The following FRMD3 variants were observed in gnomAD, a reference collection of about 807,000 sequenced individuals.
FRMD3 encodes the protein FERM domain-containing protein 3.
Under a neutral mutation model 70.2 loss-of-function variants are expected in FRMD3, and 33 were observed. The ratio of observed to expected loss-of-function variants is 0.47; its 90% CI spans 0.36 to 0.63. The LOEUF (loss-of-function observed/expected upper bound fraction) is 0.63. FRMD3 is among the 20% of genes least tolerant of loss of function. The pLI is 0.00. For missense variants in FRMD3, 632 were observed against 711.4 expected (o/e 0.89, Z 1.27); for synonymous variants, 279 against 255.9 (o/e 1.09, Z -0.86).
At chr9:83,415,221 G>T (rs1826396119) in intron 1 of FRMD3, among the ~76,000 whole-genome samples, 1 of 152,116 alleles carries the variant, frequency 6.6e-6, no homozygotes, top group South Asian at 2.1e-4. Flanking sequence ...TGTTGAACCC[G>T]ACTGAAAGCC....
chr9:83,351,124 T>A (rs1484644945), intron 3 of FRMD3: 1 of 218,912 alleles, frequency 4.6e-6, no homozygotes, highest in Non-Finnish European at 7.7e-6. Context: ...TAAACTGCCA[T>A]CCAATTCTAC....
the FRMD3 span, among the ~76,000 whole-genome samples, chr9:83,567,637 A>T: frequency 5.9e-5 from 9 of 152,120 alleles, no homozygotes; most frequent in African/African-American, 1.9e-4. Context: ...TCTGCCAGAT[A>T]CCCTAAATCA....
the FRMD3 span, among the ~76,000 whole-genome samples, chr9:83,550,320 C>T: frequency 6.6e-6 from 1 of 152,090 alleles, no homozygotes; most frequent in Non-Finnish European, 1.5e-5. Flanking sequence ...TGTTTTTATA[C>T]CTGTACTATG....
chr9:83,268,215 C>T (rs1833366152), intron 13 of FRMD3, among the ~76,000 whole-genome samples: 1 of 152,162 alleles, frequency 6.6e-6, no homozygotes, highest in African/African-American at 2.4e-5. Context: ...TATCTGTCAC[C>T]AAAAGATGAT....
intron 13 of FRMD3, among the ~76,000 whole-genome samples, chr9:83,277,726 C>G (rs1833838404): frequency 1.3e-5 from 2 of 152,186 alleles, no homozygotes; most frequent in African/African-American, 2.4e-5. Context: ...CTGGCAAACC[C>G]TAATCCCAGG....
chr9:83,457,043 G>A (rs1238081289), intron 1 of FRMD3, among the ~76,000 whole-genome samples: 3 of 152,012 alleles, frequency 2.0e-5, no homozygotes, highest in Non-Finnish European at 4.4e-5. Flanking sequence ...ATGAAACACC[G>A]AGTTTGTTAA....
chr9:83,360,947 A>T (rs1824563229), intron 3 of FRMD3, among the ~76,000 whole-genome samples: 1 of 152,240 alleles, frequency 6.6e-6, no homozygotes, highest in African/African-American at 2.4e-5. Flanking sequence ...TTTCTGGGAG[A>T]AGGATCAAAT....
At chr9:83,351,687 T>TGATAGATAGATAGATAGATAGATA (rs10641248) in intron 3 of FRMD3, among the ~76,000 whole-genome samples, 6 of 145,594 alleles carry the variant, frequency 4.1e-5, no homozygotes. Context: ...GATAGTTACA[T>TGATAGATAGATAGATAGATAGATA]GATAGATAGA....
chr9:83,498,363 T>C (rs1721024735), intron 1 of FRMD3, among the ~76,000 whole-genome samples: 1 of 152,126 alleles, frequency 6.6e-6, no homozygotes, highest in Admixed American at 6.5e-5. Context: ...TCAAGAAACA[T>C]TTTTAAAGAA....
At chr9:83,357,922 G>A (rs1368745333) in intron 3 of FRMD3, among the ~76,000 whole-genome samples, 1 of 152,166 alleles carries the variant, frequency 6.6e-6, no homozygotes, top group African/African-American at 2.4e-5. Context: ...GAGTTTTTCA[G>A]CTTAATTAAG....
intron 13 of FRMD3, among the ~76,000 whole-genome samples, chr9:83,263,831 A>G (rs1178950191): frequency 6.6e-6 from 1 of 152,228 alleles, no homozygotes; most frequent in Non-Finnish European, 1.5e-5. Flanking sequence ...ACAAATTAAA[A>G]CATCCATATA....
At chr9:83,244,436 T>C (rs59058257), downstream of FRMD3, among the ~76,000 whole-genome samples, 6,293 of 152,270 alleles carry the variant, frequency 0.041, 414 homozygotes, top group African/African-American at 0.14. Context: ...GTGCTAGTAT[T>C]CCTGCTTTGG....
At chr9:83,564,818 C>T in the FRMD3 span, among the ~76,000 whole-genome samples, 3 of 152,294 alleles carry the variant, frequency 2.0e-5, no homozygotes, top group African/African-American at 7.2e-5. Flanking sequence ...ACCTGTACGA[C>T]GTGCATCCCA....
intron 6 of FRMD3, among the ~76,000 whole-genome samples, chr9:83,320,300 T>C (rs1478090596): frequency 1.3e-5 from 2 of 152,222 alleles, no homozygotes; most frequent in East Asian, 3.8e-4. Context: ...TTGTCATATA[T>C]TGCCTTGACT....
At chr9:83,288,702 T>C (rs1834308761) in intron 13 of FRMD3, among the ~76,000 whole-genome samples, 1 of 152,266 alleles carries the variant, frequency 6.6e-6, no homozygotes, top group Admixed American at 6.5e-5. Flanking sequence ...CATGAAATTC[T>C]TTAAATTATT....
chr9:83,503,374 G>A (rs1008087737), intron 1 of FRMD3, among the ~76,000 whole-genome samples: 2 of 152,118 alleles, frequency 1.3e-5, no homozygotes, highest in Non-Finnish European at 1.5e-5. Flanking sequence ...TGTTAGAGAG[G>A]GGCATGTGAT....
intron 1 of FRMD3, among the ~76,000 whole-genome samples, chr9:83,402,128 T>A (rs955379781): frequency 6.6e-6 from 1 of 151,702 alleles, no homozygotes; most frequent in Admixed American, 6.6e-5. Context: ...TCATATTTTT[T>A]AAATGATTTG....
intron 1 of FRMD3, among the ~76,000 whole-genome samples, chr9:83,399,322 G>A (rs1267769576): frequency 2.0e-5 from 3 of 152,236 alleles, no homozygotes; most frequent in Middle Eastern, 6.8e-3. Context: ...TGCGTACTGT[G>A]GCTTTCATTC....
At chr9:83,426,357 A>G (rs989303401) in intron 1 of FRMD3, among the ~76,000 whole-genome samples, 1 of 152,214 alleles carries the variant, frequency 6.6e-6, no homozygotes, top group Non-Finnish European at 1.5e-5. Flanking sequence ...TGGCACTGCA[A>G]ATGTAAAGAT....
Sources: allele counts gnomAD v4.1 joint callset (sites outside exome capture counted in the v4.1 genomes callset), GRCh38; gene constraint gnomAD v4.1.1; transcripts MANE v1.5; gene names NCBI Gene and HGNC (gene_info 2026-07-23, HGNC 2026-07-21).